Variants in STK32A observed in about 807,000 individuals in gnomAD.
STK32A encodes the protein serine/threonine-protein kinase 32A.
STK32A carries 41 observed loss-of-function variants against 53.2 expected under a neutral mutation model. The ratio of observed to expected loss-of-function variants is 0.77; its 90% CI spans 0.60 to 1.00. The LOEUF is 1.00. Among genes scored for constraint, STK32A ranks in the 50% least tolerant of loss-of-function variants. The pLI is 0.00. For missense variants in STK32A, 458 were observed against 485.8 expected (o/e 0.94, Z 0.54); for synonymous variants, 166 against 162.8 (o/e 1.02, Z -0.15).
intron 11 of STK32A, among the ~76,000 whole-genome samples, chr5:147,376,639 A>T (rs777995370): frequency 6.6e-6 from 1 of 151,594 alleles, no homozygotes; most frequent in Non-Finnish European, 1.5e-5. Flanking sequence ...CTCACTTAAA[A>T]CCCTCCAACC....
At chr5:147,345,138 A>G (rs2151990078) in intron 6 of STK32A, among the ~76,000 whole-genome samples, 1 of 152,274 alleles carries the variant, frequency 6.6e-6, no homozygotes, top group Admixed American at 6.5e-5. Context: ...TTCATTCAAA[A>G]CACACTTCAC....
chr5:147,259,891 T>C (rs868142524), intron 2 of STK32A, among the ~76,000 whole-genome samples: 43 of 104,926 alleles, frequency 4.1e-4, no homozygotes, highest in African/African-American at 1.3e-3. Context: ...GTCTCTCTCT[T>C]TCTCTCTCCT....
intron 5 of STK32A, among the ~76,000 whole-genome samples, chr5:147,337,578 T>C (rs768551519): frequency 1.3e-4 from 20 of 152,174 alleles, no homozygotes; most frequent in African/African-American, 2.2e-4. Context: ...CTGGGATTCA[T>C]TCATTTTTAT....
rs1363904305 is a variant in STK32A, at chr5:147,345,731, A to G, written c.472+2688A>G. ...GTGGAGCTGGGGCTCTGTTGCCTAC[A>G]GAATACAAGCCATCATTCCAGTGTG... On this transcript the variant is annotated intron_variant, in intron 6 of 12. Transcript: ENST00000397936. Among the ~76,000 whole-genome samples the G allele has an allele frequency of 2.6e-5, 4 of 152,178 alleles. No individual in the cohort carries two copies. The South Asian group carries it at 8.3e-4, about 32-fold the overall frequency.
intron 2 of STK32A, among the ~76,000 whole-genome samples, chr5:147,242,900 G>A (rs1433567811): frequency 6.6e-6 from 1 of 152,142 alleles, no homozygotes; most frequent in Non-Finnish European, 1.5e-5. Flanking sequence ...TCTGATTGCT[G>A]TGAAGCTCCT....
At chr5:147,401,615 G>A in the STK32A span, 3 of 1,614,012 alleles carry the variant, frequency 1.9e-6, no homozygotes, top group Middle Eastern at 1.6e-4. Flanking sequence ...AAATGCAGCC[G>A]CCTTGGCCCA....
At chr5:147,299,041 C>T (rs1486546894) in intron 4 of STK32A, among the ~76,000 whole-genome samples, 3 of 151,976 alleles carry the variant, frequency 2.0e-5, no homozygotes, top group African/African-American at 7.3e-5. Context: ...TCTTGGATCT[C>T]ACGCAAGAAA....
the STK32A span, chr5:147,394,058 A>T: frequency 6.2e-7 from 1 of 1,614,184 alleles, no homozygotes. Flanking sequence ...GTGATATTAG[A>T]ACGGCCGCCT....
chr5:147,264,331 C>A (rs1754714064), intron 2 of STK32A, among the ~76,000 whole-genome samples: 1 of 152,028 alleles, frequency 6.6e-6, no homozygotes, highest in Non-Finnish European at 1.5e-5. Flanking sequence ...GATAAATAGT[C>A]CAGACTGGAT....
rs80287028 is a variant in STK32A, at chr5:147,290,959, T to A, written c.260+11561T>A. ...ACCAAAAATTTACATTAAAATAATG[T>A]AAGCTATTGATGGACTATACATTAT... On this transcript the variant is annotated intron_variant, in intron 4 of 12. Coordinates refer to ENST00000397936, the MANE Select transcript of STK32A (RefSeq NM_001112724.2). Among the ~76,000 whole-genome samples the A allele has an allele frequency of 2.9e-3, 448 of 152,284 alleles. 18 individuals are homozygous for A. In the East Asian group the frequency reaches 0.068, roughly 23 times the overall value.
intron 4 of STK32A, among the ~76,000 whole-genome samples, chr5:147,288,068 A>G (rs145378565): frequency 4.6e-5 from 7 of 152,268 alleles, no homozygotes; most frequent in African/African-American, 1.4e-4. Context: ...CTCCATGCAT[A>G]CTGACCTGGT....
At chr5:147,389,054 G>A (rs1757736181), downstream of STK32A, among the ~76,000 whole-genome samples, 1 of 152,182 alleles carries the variant, frequency 6.6e-6, no homozygotes, top group African/African-American at 2.4e-5. Flanking sequence ...TATGCACTTA[G>A]AGTAGCTTGT....
chr5:147,331,838 C>G (rs553095973), intron 5 of STK32A, among the ~76,000 whole-genome samples: 3 of 152,142 alleles, frequency 2.0e-5, no homozygotes, highest in South Asian at 2.1e-4. Flanking sequence ...GGTCCACCAG[C>G]CAAGGAATGC....
intron 2 of STK32A, among the ~76,000 whole-genome samples, chr5:147,260,286 CTCTCGCCTG>C: frequency 1.9e-5 from 2 of 105,768 alleles, no homozygotes; most frequent in African/African-American, 7.5e-5. Flanking sequence ...CTGTCTCTCT[CTCTCGCCTG>C]TCTCTCTCTC....
In STK32A at chr5:147,279,325, A is replaced by G. The variant is rs1220226275; in HGVS notation, c.187A>G (p.Asn63Asp). 1 of 1,613,672 alleles carries G rather than the reference A, an allele frequency of 6.2e-7. No homozygotes were observed. The highest frequency in any genetic ancestry group is 8.5e-7 in the Non-Finnish European group (1 of 1,179,808). Residue 63 changes from asparagine (N) to aspartate (D), a missense_variant, in exon 4 of 13, where the codon AAT becomes GAT. Asn to Asp is a conservative substitution (Grantham distance 23). Coordinates refer to ENST00000397936, the MANE Select transcript of STK32A (RefSeq NM_001112724.2). ...GAATAAACAAAAGTGCGTGGAGCGCAATGAAGTGAGAAATGTCTTCAAGGA... is the reference window on the plus strand; with the variant it reads ...GAATAAACAAAAGTGCGTGGAGCGCGATGAAGTGAGAAATGTCTTCAAGGA... Reference protein sequence around the residue: ...YMNKQKCVERNEVRNVFKELQ... With the variant: ...YMNKQKCVERDEVRNVFKELQ...
At chr5:147,283,971 A>T (rs1287429815) in intron 4 of STK32A, among the ~76,000 whole-genome samples, 1 of 152,144 alleles carries the variant, frequency 6.6e-6, no homozygotes, top group Non-Finnish European at 1.5e-5. Context: ...CATAACCTAA[A>T]AAGAAAACTG....
intron 4 of STK32A, among the ~76,000 whole-genome samples, chr5:147,307,896 T>C (rs1753498044): frequency 1.3e-5 from 2 of 152,170 alleles, no homozygotes; most frequent in Admixed American, 6.5e-5. Context: ...GATTCATTTG[T>C]ATACTCTTGC....
At chr5:147,248,282 C>G (rs982301647) in intron 2 of STK32A, among the ~76,000 whole-genome samples, 1 of 152,020 alleles carries the variant, frequency 6.6e-6, no homozygotes, top group Non-Finnish European at 1.5e-5. Context: ...TTCTGATATC[C>G]CCTCATAATA....
chr5:147,329,723 A>G (rs938700327), intron 5 of STK32A, among the ~76,000 whole-genome samples: 8 of 152,204 alleles, frequency 5.3e-5, no homozygotes, highest in Non-Finnish European at 1.5e-5. Context: ...CCTCTGGACC[A>G]TGATATTCTA....
Sources: allele counts gnomAD v4.1 joint callset (sites outside exome capture counted in the v4.1 genomes callset), GRCh38; gene constraint gnomAD v4.1.1; transcripts MANE v1.5; gene names NCBI Gene and HGNC (gene_info 2026-07-23, HGNC 2026-07-21).